SGCZ: variants seen among roughly 807,000 people sequenced by gnomAD.
The protein encoded by SGCZ is sarcoglycan zeta, also known as zeta-sarcoglycan.
Under a neutral mutation model 41.3 loss-of-function variants are expected in SGCZ, and 40 were observed. The observed-to-expected ratio is 0.97, with a 90% CI of 0.75 to 1.26. The LOEUF (loss-of-function observed/expected upper bound fraction) is 1.26, where lower values mean the gene tolerates loss of function less well. Among genes scored for constraint, SGCZ ranks in the 50% most tolerant of loss-of-function variants. The probability of loss-of-function intolerance (pLI) is 0.00; values close to 1 mark genes in which losing one functional copy is unlikely to be tolerated. For synonymous variants in SGCZ, 206 were observed against 137.5 expected, an observed-to-expected ratio of 1.50 and a Z score of -3.49; for missense variants, 552 against 369.8, an observed-to-expected ratio of 1.49 and a Z score of -4.04.
intron 2 of SGCZ, among the ~76,000 whole-genome samples, chr8:14,510,144 A>C (rs1312564243): frequency 6.6e-6 from 1 of 152,206 alleles, no homozygotes; most frequent in African/African-American, 2.4e-5. Flanking sequence ...TGCAACACTC[A>C]GAAAAATATA....
chr8:14,308,065 G>C (rs1801403766), intron 3 of SGCZ, among the ~76,000 whole-genome samples: 1 of 151,918 alleles, frequency 6.6e-6, no homozygotes, highest in African/African-American at 2.4e-5. Context: ...TAGTAAATTA[G>C]GGATAAAGAT....
At chr8:14,398,045 T>C (rs896716913) in intron 2 of SGCZ, among the ~76,000 whole-genome samples, 3 of 152,026 alleles carry the variant, frequency 2.0e-5, no homozygotes, top group Admixed American at 6.6e-5. Flanking sequence ...AGGACCCTTT[T>C]TGTGACCCTC....
chr8:15,226,032 G>A (rs769949189), intron 1 of SGCZ, among the ~76,000 whole-genome samples: 1 of 152,162 alleles, frequency 6.6e-6, no homozygotes, highest in African/African-American at 2.4e-5. Context: ...AACTTCTACT[G>A]AAAGACTAAG....
intron 5 of SGCZ, among the ~76,000 whole-genome samples, chr8:14,159,954 A>G (rs1355009308): frequency 2.0e-5 from 3 of 152,224 alleles, no homozygotes; most frequent in African/African-American, 4.8e-5. Context: ...TCTGTTGTCA[A>G]ACAGACATGG....
intron 1 of SGCZ, among the ~76,000 whole-genome samples, chr8:14,949,010 A>G (rs1236776876): frequency 3.3e-5 from 5 of 152,036 alleles, no homozygotes; most frequent in Non-Finnish European, 7.4e-5. Context: ...GCATATCCAC[A>G]AAGATTCCCC....
chr8:14,914,858 G>A (rs1247466801), intron 1 of SGCZ, among the ~76,000 whole-genome samples: 1 of 152,098 alleles, frequency 6.6e-6, no homozygotes, highest in Non-Finnish European at 1.5e-5. Context: ...AAGGCCTCAC[G>A]ATGTAGAAGA....
At chr8:15,043,425 T>G (rs986210192) in intron 1 of SGCZ, among the ~76,000 whole-genome samples, 2 of 152,088 alleles carry the variant, frequency 1.3e-5, no homozygotes, top group Non-Finnish European at 2.9e-5. Flanking sequence ...GCCCATCAAA[T>G]AGATAATTCA....
At chr8:14,630,407 T>A (rs997196445) in intron 1 of SGCZ, among the ~76,000 whole-genome samples, 3 of 151,904 alleles carry the variant, frequency 2.0e-5, no homozygotes, top group Non-Finnish European at 4.4e-5. Context: ...AATAGGAAGA[T>A]TTTTACACTG....
At position 15,211,282 on chromosome 8, in the gene SGCZ, T is replaced by A. The variant is rs868289862; in HGVS notation, c.39+26303A>T. Among the ~76,000 whole-genome samples, 23 of 147,594 alleles carry A rather than the reference T, an allele frequency of 1.6e-4. No homozygotes were observed. In the South Asian group the frequency reaches 4.5e-3, roughly 29 times the overall value. ...CAAGTAACAGACACTACTGGTTGCC[T>A]AAAAAAAAAAAGTCCTTTACTTTTC... On this transcript the variant is annotated intron_variant, in intron 1 of 7. Transcript: ENST00000382080.
chr8:14,657,536 A>C (rs928205313), intron 1 of SGCZ, among the ~76,000 whole-genome samples: 4 of 152,150 alleles, frequency 2.6e-5, no homozygotes, highest in African/African-American at 4.8e-5. Flanking sequence ...TTAATTATTC[A>C]AATATGCTCA....
intron 1 of SGCZ, among the ~76,000 whole-genome samples, chr8:15,216,529 T>C (rs529723457): frequency 2.6e-5 from 4 of 152,130 alleles, no homozygotes; most frequent in South Asian, 2.1e-4. Flanking sequence ...CAGCTTATTC[T>C]TTCTAAAGGA....
intron 1 of SGCZ, among the ~76,000 whole-genome samples, chr8:15,152,796 A>G (rs1477897191): frequency 6.6e-6 from 1 of 152,208 alleles, no homozygotes; most frequent in Non-Finnish European, 1.5e-5. Context: ...TGTCTAGAGC[A>G]AAAATACCTA....
intron 2 of SGCZ, chr8:14,487,651 G>A (rs1038726080): frequency 6.6e-6 from 1 of 152,262 alleles, no homozygotes; most frequent in Non-Finnish European, 1.5e-5. Context: ...ATCCTCAGCT[G>A]ATTTTATCTT....
intron 3 of SGCZ, among the ~76,000 whole-genome samples, chr8:14,284,393 C>T (rs1800551368): frequency 6.6e-6 from 1 of 152,182 alleles, no homozygotes; most frequent in African/African-American, 2.4e-5. Flanking sequence ...CATTATCTCA[C>T]ACAAACACAC....
chr8:15,060,525 G>C (rs1003401233), intron 1 of SGCZ, among the ~76,000 whole-genome samples: 1 of 119,576 alleles, frequency 8.4e-6, no homozygotes, highest in Non-Finnish European at 1.7e-5. Context: ...GTTGTGGGGT[G>C]GGGGGAGGGG....
chr8:14,554,595 T>C (rs1803972995), intron 2 of SGCZ, 137 bp downstream of exon 2: 1 of 732,820 alleles, frequency 1.4e-6, no homozygotes, highest in South Asian at 2.2e-5. Context: ...TAAAATAAAA[T>C]ATTATTTTCT....
At chr8:15,042,043 C>T (rs1018768471) in intron 1 of SGCZ, among the ~76,000 whole-genome samples, 1 of 152,144 alleles carries the variant, frequency 6.6e-6, no homozygotes, top group Admixed American at 6.5e-5. Context: ...TAGCTGCATT[C>T]TCTTCTCTTT....
intron 1 of SGCZ, among the ~76,000 whole-genome samples, chr8:14,728,342 A>G (rs1810125924): frequency 1.3e-5 from 2 of 150,496 alleles, no homozygotes; most frequent in Admixed American, 1.3e-4. Flanking sequence ...TCATCTCAAA[A>G]TAGAAAAAAA....
chr8:14,551,162 G>T (rs1803797294), intron 2 of SGCZ, among the ~76,000 whole-genome samples: 1 of 147,758 alleles, frequency 6.8e-6, no homozygotes, highest in African/African-American at 2.5e-5. Context: ...TCAGCTAGAG[G>T]CCACCAAACC....
Sources: gnomAD v4.1 joint callset for allele counts (sites outside exome capture counted in the v4.1 genomes callset) on GRCh38, gnomAD v4.1.1 for gene constraint, MANE v1.5 for transcripts, NCBI Gene and HGNC (gene_info 2026-07-23, HGNC 2026-07-21) for gene names.